Variants in WNK2 observed in about 807,000 individuals in gnomAD.
WNK2 encodes serine/threonine-protein kinase WNK2.
WNK2 carries 67 observed loss-of-function variants against 192.1 expected under a neutral mutation model. The observed-to-expected ratio is 0.35, with a 90% CI of 0.29 to 0.43. The LOEUF (loss-of-function observed/expected upper bound fraction) is 0.43. WNK2 is among the 20% of genes least tolerant of loss of function. The pLI is 1.00. For missense variants in WNK2, 2,698 were observed against 3,089.7 expected (o/e 0.87, Z 3.01); for synonymous variants, 1,439 against 1,393.9 (o/e 1.03, Z -0.72).
chr9:93,311,522 A>G (rs1201829719), intron 28 of WNK2, among the ~76,000 whole-genome samples: 2 of 152,214 alleles, frequency 1.3e-5, no homozygotes, highest in Non-Finnish European at 2.9e-5. Flanking sequence ...AGTAACAGCT[A>G]TACCATTTGA....
intron 29 of WNK2, chr9:93,319,279 C>A: frequency 6.7e-7 from 1 of 1,496,368 alleles, no homozygotes; most frequent in Non-Finnish European, 8.9e-7. Context: ...TCCTAGGGAG[C>A]ACAGGAGTTG....
chr9:93,254,233 G>C (rs1842972979), intron 9 of WNK2, among the ~76,000 whole-genome samples: 1 of 152,184 alleles, frequency 6.6e-6, no homozygotes, highest in South Asian at 2.1e-4. Flanking sequence ...GGTGGTTTAT[G>C]GGGTGGGCTC....
At position 93,320,427 on chromosome 9, in the gene WNK2, TAAGTG is replaced by T. The variant is rs1261133574; in HGVS notation, c.*36_*40del. On this transcript the variant is annotated 3_prime_UTR_variant, in exon 30 of 30. Transcript: ENST00000427277. ...GACGCCAGGCCCACTTCACGCCGTC[TAAGTG>T]GAGAAGTGACGGACCCTCAGGGCCA... 1 of 1,367,600 alleles carries T rather than the reference TAAGTG, an allele frequency of 7.3e-7. No individual in the cohort carries two copies. Among genetic ancestry groups the T allele is most frequent in the Non-Finnish European group, 9.8e-7 (1 of 1,021,818 alleles). 84.7% of individuals were successfully genotyped at this position (1,367,600 alleles called of 1,614,324 possible). A position where few individuals can be genotyped will look rare whatever the true frequency, so the allele number is the denominator to read the frequency against.
At chr9:93,184,793 G>C in intron 1 of WNK2, 135 bp from the exon 2 acceptor site, 1 of 783,180 alleles carries the variant, frequency 1.3e-6, no homozygotes. Flanking sequence ...GGCCCCCAGA[G>C]ACGGCCCCCG....
At position 93,211,274 on chromosome 9, in the gene WNK2, T is replaced by A. The variant is rs61012296; in HGVS notation, c.682-18422T>A. ...CTCACTCATTCACTCATTCACTCACTCATCCACTCACTCATACACTCAGTC... is the reference window on the plus strand; with the variant it reads ...CTCACTCATTCACTCATTCACTCACACATCCACTCACTCATACACTCAGTC... On this transcript the variant is annotated intron_variant, in intron 2 of 29. Transcript: ENST00000427277. Among the ~76,000 whole-genome samples, 196 of 98,386 alleles carry A rather than the reference T, an allele frequency of 2.0e-3. 1 individual carries two copies. The highest frequency in any genetic ancestry group is 2.2e-3 in the South Asian group (6 of 2,750). The allele number at this position is 98,386 out of a possible 152,430, so 64.5% of individuals were successfully genotyped here. A position where few individuals can be genotyped will look rare whatever the true frequency, so the allele number is the denominator to read the frequency against.
In WNK2 at chr9:93,229,747, A is replaced by C; in HGVS notation, c.733A>C (p.Met245Leu). Residue 245 changes from methionine (M) to leucine (L), a missense_variant, in exon 3 of 30, where the codon ATG (methionine) becomes CTG (leucine). Physicochemically the swap from Met to Leu is conservative, Grantham distance 15. Around this residue, in one of 7 missense-constraint regions of WNK2, gnomAD observed 230 missense variants for 501.1 expected, o/e 0.46. Transcript: ENST00000427277. The surrounding 1 kb of genome is among the most constrained non-coding windows in gnomAD (Gnocchi z 4.9). The stretch of plus-strand genomic sequence containing the variant: ...GCAGCGGTTCAAGGAAGAGGCTGAG[A>C]TGCTGAAAGGCCTGCAGCACCCCAA... ...ERQRFKEEAE[M>L]LKGLQHPNIV... 1 of 1,613,702 alleles carries C rather than the reference A, an allele frequency of 6.2e-7. No homozygotes were observed. The highest frequency in any genetic ancestry group is 8.5e-7 in the Non-Finnish European group (1 of 1,179,804).
Position 93,239,714 on chromosome 9 carries a change from C to A in WNK2, c.1323-43C>A. The A allele has an allele frequency of 6.6e-7, 1 of 1,520,552 alleles. No homozygotes were observed. Among genetic ancestry groups the A allele is most frequent in the East Asian group, 2.5e-5 (1 of 40,514 alleles). 94.2% of individuals were successfully genotyped at this position (1,520,552 alleles called of 1,614,324 possible). Reference sequence around the variant, plus strand: ...GGACACAGGAGCCTGGGCATGGAGGCCCTGGCGCCCGTGCCCCTGCCTGTC... The same window carrying A: ...GGACACAGGAGCCTGGGCATGGAGGACCTGGCGCCCGTGCCCCTGCCTGTC... On this transcript the variant is annotated intron_variant, in intron 6 of 29. Transcript: ENST00000427277. The surrounding 1 kb of genome is among the most constrained non-coding windows in gnomAD (Gnocchi z 4.2).
intron 27 of WNK2, 76 bp downstream of exon 27, chr9:93,306,897 C>T: frequency 2.5e-6 from 4 of 1,602,590 alleles, no homozygotes; most frequent in Non-Finnish European, 3.4e-6. Flanking sequence ...CATCAGGGTT[C>T]CCGCGGCCGG....
intron 5 of WNK2, among the ~76,000 whole-genome samples, chr9:93,237,452 G>T (rs1018170071): frequency 6.6e-6 from 1 of 152,192 alleles, no homozygotes. Context: ...CTGCTGCGGT[G>T]AAGTGTTCGA....
intron 29 of WNK2, among the ~76,000 whole-genome samples, chr9:93,320,077 G>A (rs1202601523): frequency 6.6e-6 from 1 of 152,218 alleles, no homozygotes; most frequent in Non-Finnish European, 1.5e-5. Context: ...TTTGGGTGTT[G>A]GAGGGCAGCT....
chr9:93,227,799 T>G (rs141470401), intron 2 of WNK2, among the ~76,000 whole-genome samples: 23 of 152,322 alleles, frequency 1.5e-4, no homozygotes, highest in Non-Finnish European at 2.4e-4. Flanking sequence ...CGCACCTGGC[T>G]TAAAGAATCG....
chr9:93,312,112 GT>G (rs1853770138), intron 28 of WNK2, among the ~76,000 whole-genome samples: 2 of 152,148 alleles, frequency 1.3e-5, no homozygotes, highest in Admixed American at 1.3e-4. Context: ...GAATCAGCTC[GT>G]TTTTTTCATT....
At chr9:93,318,993 G>T in intron 29 of WNK2, 1 of 1,496,588 alleles carries the variant, frequency 6.7e-7, no homozygotes, top group South Asian at 1.4e-5. Context: ...TTTTCTAGGT[G>T]ATTATGCAGA....
chr9:93,199,059 G>A (rs190977216), intron 2 of WNK2, among the ~76,000 whole-genome samples: 2 of 152,218 alleles, frequency 1.3e-5, no homozygotes, highest in Non-Finnish European at 1.5e-5. Context: ...CACACACCCT[G>A]CATGCCTCCA....
rs367900040 is a variant in WNK2 at position 93,230,873 on chromosome 9, C to T, written c.855-15C>T. ...GGCGAGCTGCTTGGTGAGCTGTGCC[C>T]GTGAACCCCTGCAGATACCTGAAGC... On this transcript the variant is annotated splice_polypyrimidine_tract_variant and intron_variant, in intron 3 of 29. Transcript: ENST00000427277. 1.6e-5 allele frequency: 26 copies of T among 1,606,280 alleles called. No homozygotes were observed. The highest frequency in any genetic ancestry group is 8.0e-5 in the African/African-American group (6 of 74,842).
intron 2 of WNK2, among the ~76,000 whole-genome samples, chr9:93,214,697 G>GCC (rs371026822): frequency 1.9e-4 from 15 of 80,272 alleles, no homozygotes; most frequent in Non-Finnish European, 3.3e-4. Flanking sequence ...TGAAGGTAGT[G>GCC]CCCCCCCCCC....
At position 93,229,649 on chromosome 9, in the gene WNK2, T is replaced by C; in HGVS notation, c.682-47T>C. The C allele has an allele frequency of 1.3e-6, 2 of 1,586,790 alleles. No individual in the cohort carries two copies. The highest frequency in any genetic ancestry group is 4.5e-5 in the East Asian group (2 of 43,972). Reference sequence around the variant, plus strand: ...TGGGATGTGACGCCACCGTGTCCCCTTCTGTGTCCCATCTCTTGCCCACTT... The same window carrying C: ...TGGGATGTGACGCCACCGTGTCCCCCTCTGTGTCCCATCTCTTGCCCACTT... On this transcript the variant is annotated intron_variant, in intron 2 of 29. Coordinates refer to ENST00000427277, the MANE Select transcript of WNK2 (RefSeq NM_006648.4). This position sits in a 1 kb window ranked among gnomAD's most constrained non-coding sequence, Gnocchi z 4.9.
chr9:93,281,486 CT>C (rs1792360316), intron 19 of WNK2, among the ~76,000 whole-genome samples: 1 of 151,916 alleles, frequency 6.6e-6, no homozygotes, highest in African/African-American at 2.4e-5. Context: ...TCTAAAGAAA[CT>C]AAAGTAAAAT....
At chr9:93,264,323 G>A (rs1328415583) in intron 16 of WNK2, among the ~76,000 whole-genome samples, 3 of 152,174 alleles carry the variant, frequency 2.0e-5, no homozygotes, top group Admixed American at 6.5e-5. Context: ...AGGAAGCCTT[G>A]TGGGTAGGTT....
Sources: allele counts gnomAD v4.1 joint callset (sites outside exome capture counted in the v4.1 genomes callset), GRCh38; gene constraint gnomAD v4.1.1; regional missense constraint gnomAD v4.1.1; non-coding constraint Gnocchi (gnomAD v3.1); transcripts MANE v1.5; gene names NCBI Gene and HGNC (gene_info 2026-07-23, HGNC 2026-07-21).